Variants in CNTN3 observed in about 807,000 individuals in gnomAD.
The protein encoded by CNTN3 is contactin 3.
CNTN3 carries 60 observed loss-of-function variants against 119.1 expected under a neutral mutation model. The observed-to-expected ratio is 0.50, with a 90% confidence interval of 0.41 to 0.62. The LOEUF (loss-of-function observed/expected upper bound fraction) is 0.62, where lower values mean the gene tolerates loss of function less well. Ranked by LOEUF, CNTN3 falls within the 20% of genes least tolerant of loss-of-function variation. CNTN3 has a pLI of 0.00. For missense variants in CNTN3, 1,101 were observed against 1,242.4 expected (o/e 0.89, Z 1.71); for synonymous variants, 450 against 438.7 (o/e 1.03, Z -0.32).
chr3:74,498,379 C>T (rs944623722), intron 3 of CNTN3, among the ~76,000 whole-genome samples: 5 of 151,868 alleles, frequency 3.3e-5, no homozygotes, highest in African/African-American at 4.8e-5. Flanking sequence ...ATAGTTTCTT[C>T]CTTTTATAAA....
Position 74,277,074 on chromosome 3 carries a change from T to C in CNTN3, c.2704+8231A>G, listed in dbSNP as rs747859823. ...CCTGGAAAGATACAACTCTCCTAGC[T>C]TAAATCAGGAAGAATTAGATACCCT... On this transcript the variant is annotated intron_variant, in intron 20 of 22. Transcript: ENST00000263665. Among the ~76,000 whole-genome samples, 8 of 152,198 alleles carry C rather than the reference T, an allele frequency of 5.3e-5. No homozygotes were observed. The South Asian group carries it at 6.2e-4, about 12-fold the overall frequency.
intron 1 of CNTN3, among the ~76,000 whole-genome samples, chr3:74,604,844 C>T (rs959335732): frequency 2.2e-4 from 34 of 152,116 alleles, no homozygotes; most frequent in African/African-American, 8.2e-4. Context: ...GAGATATCTG[C>T]ACTCCTGTGT....
chr3:74,434,179 T>C (rs1300377392), intron 4 of CNTN3, among the ~76,000 whole-genome samples: 1 of 152,222 alleles, frequency 6.6e-6, no homozygotes, highest in Non-Finnish European at 1.5e-5. Context: ...TATAGGTGTG[T>C]CACTTGATTG....
chr3:74,493,503 G>T (rs928556068), intron 3 of CNTN3, among the ~76,000 whole-genome samples: 1 of 152,118 alleles, frequency 6.6e-6, no homozygotes, highest in Non-Finnish European at 1.5e-5. Flanking sequence ...GAACCAACGC[G>T]AAAAGAACAA....
chr3:74,367,061 A>C (rs998925678), intron 8 of CNTN3, among the ~76,000 whole-genome samples: 4 of 151,494 alleles, frequency 2.6e-5, no homozygotes, highest in Non-Finnish European at 5.9e-5. Context: ...CATAACTGCC[A>C]CATCAATTCT....
intron 1 of CNTN3, among the ~76,000 whole-genome samples, chr3:74,550,229 A>G (rs146607372): frequency 2.2e-3 from 334 of 152,330 alleles, no homozygotes; most frequent in Non-Finnish European, 4.2e-3. Flanking sequence ...AATTTTCACC[A>G]TGAGCAGGGC....
chr3:74,442,172 CACACAGAG>C (rs916373873), intron 4 of CNTN3, among the ~76,000 whole-genome samples: 6 of 113,058 alleles, frequency 5.3e-5, no homozygotes, highest in African/African-American at 1.8e-4. Flanking sequence ...CACACACACA[CACACAGAG>C]AGAGAGAGAT....
Position 74,267,496 on chromosome 3 carries a change from T to C in CNTN3, c.2705-118A>G, listed in dbSNP as rs1575686411. 5 of 690,116 alleles carry C rather than the reference T, an allele frequency of 7.2e-6. No homozygotes were observed. The East Asian group carries it at 1.3e-4, about 18-fold the overall frequency. 42.7% of individuals were successfully genotyped at this position (690,116 alleles called of 1,614,324 possible). On this transcript the variant is annotated intron_variant, in intron 20 of 22. Transcript: ENST00000263665. Reference sequence around the variant, plus strand: ...AAGTAGAACGGGATGCCTTTGGTAATGCTTGGTGTAATAGATGAAATCAGA... The same window carrying C: ...AAGTAGAACGGGATGCCTTTGGTAACGCTTGGTGTAATAGATGAAATCAGA...
intron 19 of CNTN3, 59 bp downstream of exon 19, chr3:74,295,062 T>A: frequency 8.4e-7 from 1 of 1,192,514 alleles, no homozygotes; most frequent in Non-Finnish European, 1.2e-6. Context: ...GGTTTTAAAT[T>A]CAAGGAGACA....
At chr3:74,564,805 T>C (rs1008473178) in intron 1 of CNTN3, among the ~76,000 whole-genome samples, 5 of 151,950 alleles carry the variant, frequency 3.3e-5, no homozygotes, top group Non-Finnish European at 7.4e-5. Flanking sequence ...TAACAGACTC[T>C]CTCTCTGCTT....
At chr3:74,511,959 C>T (rs1703373153) in intron 2 of CNTN3, among the ~76,000 whole-genome samples, 1 of 152,048 alleles carries the variant, frequency 6.6e-6, no homozygotes, top group Non-Finnish European at 1.5e-5. Context: ...CCACAATAAA[C>T]ATGATTTTTT....
At chr3:74,398,566 A>G (rs1270630243) in intron 5 of CNTN3, among the ~76,000 whole-genome samples, 3 of 152,254 alleles carry the variant, frequency 2.0e-5, no homozygotes, top group Admixed American at 2.0e-4. Context: ...GAGGTGGTGT[A>G]GATGGGTCCC....
intron 13 of CNTN3, among the ~76,000 whole-genome samples, chr3:74,324,839 G>A (rs891809315): frequency 6.6e-6 from 1 of 152,072 alleles, no homozygotes; most frequent in African/African-American, 2.4e-5. Context: ...TAACAGAAAA[G>A]TGACATAAAA....
At chr3:74,397,609 T>C (rs1705088950) in intron 5 of CNTN3, among the ~76,000 whole-genome samples, 1 of 152,150 alleles carries the variant, frequency 6.6e-6, no homozygotes, top group African/African-American at 2.4e-5. Context: ...TACAATGGCC[T>C]CTAAGTGTTC....
chr3:74,597,346 G>A (rs1704830315), intron 1 of CNTN3, among the ~76,000 whole-genome samples: 1 of 151,702 alleles, frequency 6.6e-6, no homozygotes, highest in African/African-American at 2.4e-5. Flanking sequence ...TCTTCCCTAA[G>A]CAAAAATCTT....
intron 5 of CNTN3, among the ~76,000 whole-genome samples, chr3:74,402,217 G>C (rs1012537301): frequency 2.0e-5 from 3 of 152,180 alleles, no homozygotes; most frequent in Non-Finnish European, 4.4e-5. Flanking sequence ...CCCAAGGTTT[G>C]TGTTTTTCTC....
chr3:74,587,179 G>A (rs1704607748), intron 1 of CNTN3, among the ~76,000 whole-genome samples: 1 of 152,018 alleles, frequency 6.6e-6, no homozygotes, highest in African/African-American at 2.4e-5. Flanking sequence ...GGGAGGTGGG[G>A]GCAGAAGGAG....
intron 8 of CNTN3, among the ~76,000 whole-genome samples, chr3:74,366,088 T>C (rs1040204935): frequency 6.6e-6 from 1 of 152,132 alleles, no homozygotes; most frequent in African/African-American, 2.4e-5. Flanking sequence ...GATGACTTAA[T>C]AAGTGAATGA....
chr3:74,507,347 G>A (rs1475677007), intron 2 of CNTN3, among the ~76,000 whole-genome samples: 6 of 150,676 alleles, frequency 4.0e-5, no homozygotes, highest in African/African-American at 1.5e-4. Context: ...GGGCCCAGGA[G>A]TTTGCAACTG....
Sources: allele counts gnomAD v4.1 joint callset (sites outside exome capture counted in the v4.1 genomes callset), GRCh38; gene constraint gnomAD v4.1.1; transcripts MANE v1.5; gene names NCBI Gene and HGNC (gene_info 2026-07-23, HGNC 2026-07-21).